AGAP1: variants seen among roughly 807,000 people sequenced by gnomAD.
AGAP1 encodes ArfGAP with GTPase domain, ankyrin repeat and PH domain 1, also known as arf-GAP with GTPase, ANK repeat and PH domain-containing protein 1.
Under a neutral mutation model 105.3 loss-of-function variants are expected in AGAP1, and 29 were observed. The observed-to-expected ratio is 0.28, with a 90% CI of 0.21 to 0.38. AGAP1 has a LOEUF of 0.38. Among genes scored for constraint, AGAP1 ranks in the 10% least tolerant of loss-of-function variants. The pLI is 1.00. For synonymous variants in AGAP1, 509 were observed against 485.9 expected, an observed-to-expected ratio of 1.05 and a Z score of -0.63; for missense variants, 998 against 1,165.1, an observed-to-expected ratio of 0.86 and a Z score of 2.09.
Position 235,830,075 on chromosome 2 carries a change from G to A in AGAP1, c.1050+22744G>A, listed in dbSNP as rs116834262. The stretch of plus-strand genomic sequence containing the variant: ...GGACAGCATGATGCAGAGCTTTGGC[G>A]GCTGGCTGATGGAGTCGTTCTCATT... On this transcript the variant is annotated intron_variant, in intron 9 of 17. Transcript: ENST00000304032. The surrounding 1 kb of genome is among the most constrained non-coding windows in gnomAD (Gnocchi z 5.5). Among the ~76,000 whole-genome samples the A allele has an allele frequency of 2.6e-3, 397 of 152,282 alleles. 1 individual carries two copies. The highest frequency in any genetic ancestry group is 9.0e-3 in the African/African-American group (376 of 41,566).
chr2:235,766,055 A>G (rs1032132741), intron 6 of AGAP1, among the ~76,000 whole-genome samples: 1 of 152,198 alleles, frequency 6.6e-6, no homozygotes, highest in Non-Finnish European at 1.5e-5. Context: ...TTTTGGCTGC[A>G]CAGTTCGATT....
rs998621730 is a variant in AGAP1, at chr2:235,988,194, C to T, written c.1645+19571C>T. Among the ~76,000 whole-genome samples the T allele has an allele frequency of 1.2e-4, 18 of 152,108 alleles. No individual in the cohort carries two copies. Among genetic ancestry groups the T allele is most frequent in the South Asian group, 2.1e-4 (1 of 4,822 alleles). ...AGTAGATGGGGTTAAAGGTGCCCACCACCACGCCCAGCTAATTTTTGTGTT... is the reference window on the plus strand; with the variant it reads ...AGTAGATGGGGTTAAAGGTGCCCACTACCACGCCCAGCTAATTTTTGTGTT... On this transcript the variant is annotated intron_variant, in intron 13 of 17. Coordinates refer to ENST00000304032, the MANE Select transcript of AGAP1 (RefSeq NM_001037131.3). The surrounding 1 kb of genome is among the most constrained non-coding windows in gnomAD (Gnocchi z 4.7).
chr2:235,850,140 C>T lies in AGAP1; in HGVS notation c.1051-33205C>T, dbSNP rs115175783. Among the ~76,000 whole-genome samples the T allele has an allele frequency of 5.4e-3, 825 of 152,254 alleles. 3 individuals carry two copies. Among genetic ancestry groups the T allele is most frequent in the African/African-American group, 0.019 (775 of 41,554 alleles). The stretch of plus-strand genomic sequence containing the variant: ...TCTTAACAGTGCTGTGGACAAATTC[C>T]GGCAAACCGTGGGTTAGTAACCGGA... On this transcript the variant is annotated intron_variant, in intron 9 of 17. Transcript: ENST00000304032.
chr2:235,521,416 A>G (rs1411627516), intron 1 of AGAP1, among the ~76,000 whole-genome samples: 2 of 147,122 alleles, frequency 1.4e-5, no homozygotes, highest in East Asian at 4.2e-4. Flanking sequence ...GATAAATTCA[A>G]AGACTCTCTC....
intron 2 of AGAP1, among the ~76,000 whole-genome samples, chr2:235,715,278 T>A (rs886562646): frequency 6.6e-6 from 1 of 152,214 alleles, no homozygotes; most frequent in African/African-American, 2.4e-5. Flanking sequence ...AGCCAGGGAC[T>A]ATGACAAGTG....
chr2:235,909,027 G>T (rs2051447254), intron 11 of AGAP1, 121 bp downstream of exon 11: 12 of 1,004,106 alleles, frequency 1.2e-5, no homozygotes, highest in East Asian at 2.5e-5. Flanking sequence ...ACAGATTAAG[G>T]TTTAGAAACC....
At position 235,801,972 on chromosome 2, in the gene AGAP1, A is replaced by G. The variant is rs994099734; in HGVS notation, c.957+2450A>G. On this transcript the variant is annotated intron_variant, in intron 8 of 17. Transcript: ENST00000304032. The surrounding 1 kb of genome is among the most constrained non-coding windows in gnomAD (Gnocchi z 6.0). ...CTCCCTTTATAAGCTCTGGAACTGCAGTGTGCCAGAAAGTAGTATCCCACT... is the reference window on the plus strand; with the variant it reads ...CTCCCTTTATAAGCTCTGGAACTGCGGTGTGCCAGAAAGTAGTATCCCACT... 5.9e-5 allele frequency among the ~76,000 whole-genome samples: 9 copies of G among 152,298 alleles called. No individual in the cohort carries two copies. The highest frequency in any genetic ancestry group is 1.9e-4 in the African/African-American group (8 of 41,566).
intron 1 of AGAP1, chr2:235,669,521 G>C (rs2149352811): frequency 6.7e-6 from 1 of 149,804 alleles, no homozygotes; most frequent in Admixed American, 6.8e-5. Context: ...CCGCCGCCGC[G>C]CTCCCGGGAC....
Position 236,117,529 on chromosome 2 carries a change from C to T in AGAP1, c.2115-2663C>T, listed in dbSNP as rs143189129. Among the ~76,000 whole-genome samples, 1,163 of 152,310 alleles carry T rather than the reference C, an allele frequency of 7.6e-3. 13 individuals are homozygous for T. Among genetic ancestry groups the T allele is most frequent in the African/African-American group, 0.027 (1,108 of 41,556 alleles). The stretch of plus-strand genomic sequence containing the variant: ...GGGAATATTAAAAAGAAATTGAATA[C>T]TTGCAGTTAGCACTGTAGCTACTAG... On this transcript the variant is annotated intron_variant, in intron 16 of 17. Transcript: ENST00000304032.
At position 235,567,810 on chromosome 2, in the gene AGAP1, G is replaced by A. The variant is rs567484201; in HGVS notation, c.163+72961G>A. 6.6e-5 allele frequency among the ~76,000 whole-genome samples: 10 copies of A among 152,156 alleles called. No homozygotes were observed. The East Asian group carries it at 1.9e-3, about 30-fold the overall frequency. ...GGAAGCCAAGGGGTCTGGGCCTGTA[G>A]GGGAAGTGGGAGAGGAGAGAGGAAA... On this transcript the variant is annotated intron_variant, in intron 1 of 17. Transcript: ENST00000304032.
At chr2:235,758,300 TGTA>T (rs1365372946) in intron 6 of AGAP1, among the ~76,000 whole-genome samples, 5 of 152,200 alleles carry the variant, frequency 3.3e-5, no homozygotes, top group Admixed American at 1.3e-4. Context: ...TTTAATCACT[TGTA>T]GTAATGACTA....
At chr2:235,745,806 G>A (rs532443463) in intron 5 of AGAP1, among the ~76,000 whole-genome samples, 3 of 152,298 alleles carry the variant, frequency 2.0e-5, no homozygotes, top group Non-Finnish European at 4.4e-5. Context: ...ACCTACAAAA[G>A]CCCAGATAAA....
At chr2:235,742,576 G>A (rs1490073838) in intron 4 of AGAP1, among the ~76,000 whole-genome samples, 2 of 152,278 alleles carry the variant, frequency 1.3e-5, no homozygotes, top group East Asian at 3.9e-4. Context: ...GCAGGGCAAA[G>A]TTAGAGGTCT....
chr2:235,696,958 T>TG (rs1181239468), intron 1 of AGAP1, among the ~76,000 whole-genome samples: 5 of 151,798 alleles, frequency 3.3e-5, no homozygotes. Context: ...CACTCCAGCC[T>TG]GGCGACAGAG....
At chr2:236,059,167 A>C (rs1230198252) in intron 16 of AGAP1, among the ~76,000 whole-genome samples, 1 of 152,192 alleles carries the variant, frequency 6.6e-6, no homozygotes, top group Non-Finnish European at 1.5e-5. Flanking sequence ...TCTTTAAAAA[A>C]AAAAAAAATT....
At chr2:235,670,371 A>G in intron 1 of AGAP1, 2 of 542,138 alleles carry the variant, frequency 3.7e-6, no homozygotes, top group South Asian at 2.1e-5. Context: ...CGCGCTTGGG[A>G]TTTCCGCACC....
intron 1 of AGAP1, among the ~76,000 whole-genome samples, chr2:235,627,372 G>GCACCACCACACCCAGCTAATTT (rs1322183337): frequency 5.3e-5 from 8 of 151,902 alleles, no homozygotes; most frequent in Admixed American, 3.9e-4. Context: ...TCACAGGTGT[G>GCACCACCACACCCAGCTAATTT]CACCACCACA....
intron 16 of AGAP1, among the ~76,000 whole-genome samples, chr2:236,070,041 G>C (rs1311856503): frequency 6.6e-6 from 1 of 152,262 alleles, no homozygotes; most frequent in Non-Finnish European, 1.5e-5. Context: ...TCCACTGTCA[G>C]TGGCGCCTAG....
intron 16 of AGAP1, among the ~76,000 whole-genome samples, chr2:236,093,834 T>C (rs1363351631): frequency 1.3e-5 from 2 of 152,118 alleles, no homozygotes; most frequent in African/African-American, 4.8e-5. Context: ...CCCAAAAATA[T>C]AATCCTGGAA....
Sources: gnomAD v4.1 joint callset for allele counts (sites outside exome capture counted in the v4.1 genomes callset) on GRCh38, gnomAD v4.1.1 for gene constraint, Gnocchi (gnomAD v3.1) non-coding constraint, MANE v1.5 for transcripts, NCBI Gene and HGNC (gene_info 2026-07-23, HGNC 2026-07-21) for gene names.